Variants in CARS2 observed in about 807,000 individuals in gnomAD.
CARS2 encodes cysteinyl-tRNA synthetase 2, mitochondrial, also known as probable cysteine--tRNA ligase, mitochondrial.
In CARS2, 52 loss-of-function variants were observed where a neutral mutation model predicts 68.8. The ratio of observed to expected loss-of-function variants is 0.76; its 90% confidence interval spans 0.61 to 0.95. The LOEUF is 0.95. CARS2 is among the 40% of genes least tolerant of loss of function. CARS2 has a pLI of 0.00. For missense variants in CARS2, 780 were observed against 754.2 expected, an observed-to-expected ratio of 1.03 and a Z score of -0.40; for synonymous variants, 314 against 303.6, an observed-to-expected ratio of 1.03 and a Z score of -0.36.
chr13:110,690,692 T>C (rs2063434074), intron 3 of CARS2, among the ~76,000 whole-genome samples: 1 of 152,182 alleles, frequency 6.6e-6, no homozygotes, highest in African/African-American at 2.4e-5. Flanking sequence ...GCTACACTCG[T>C]AGGCAGGAGA....
rs2062963194 is a variant in CARS2 at position 110,676,808 on chromosome 13, C to T, written c.785+166G>A. The stretch of plus-strand genomic sequence containing the variant: ...AGCTTGATGTGTCATGGGTTTCGTT[C>T]ACCCCGTTCCATGGCCCGTCACACT... On this transcript the variant is annotated intron_variant, in intron 7 of 14. Coordinates refer to ENST00000257347, the MANE Select transcript of CARS2 (RefSeq NM_024537.4). This position sits in a 1 kb window ranked among gnomAD's most constrained non-coding sequence, Gnocchi z 4.0. Among the ~76,000 whole-genome samples the T allele has an allele frequency of 6.6e-6, 1 of 152,088 alleles. No individual in the cohort carries two copies. The highest frequency in any genetic ancestry group is 1.5e-5 in the Non-Finnish European group (1 of 68,004).
intron 9 of CARS2, among the ~76,000 whole-genome samples, chr13:110,654,921 C>CAAAAAAAAAAAAAAAAAAAAAAAA (rs34662096): frequency 1.2e-5 from 1 of 83,848 alleles, no homozygotes; most frequent in African/African-American, 4.6e-5. Context: ...AACCCTCTCT[C>CAAAAAAAAAAAAAAAAAAAAAAAA]AAAAAAAAAA....
In CARS2 at chr13:110,688,031, T is replaced by G. The variant is rs575543110; in HGVS notation, c.394-13A>C. 351 of 1,591,860 alleles carry G rather than the reference T, an allele frequency of 2.2e-4. 3 individuals are homozygous for G. In the South Asian group the frequency reaches 3.7e-3, roughly 17 times the overall value. On this transcript the variant is annotated splice_polypyrimidine_tract_variant and intron_variant, in intron 3 of 14. Transcript: ENST00000257347. ...GGGAAATATTCATCTGCAGAAGGAT[T>G]AGATGTGCACGTTAATGAGTCTGGG...
intron 10 of CARS2, 163 bp downstream of exon 10, chr13:110,650,871 C>T (rs1332306126): frequency 1.7e-5 from 10 of 590,720 alleles, no homozygotes; most frequent in Non-Finnish European, 3.0e-5. Flanking sequence ...ACTGGGATCC[C>T]TCGTCCTCTG....
chr13:110,675,795 T>G (rs1010968192), intron 7 of CARS2, among the ~76,000 whole-genome samples: 1 of 152,142 alleles, frequency 6.6e-6, no homozygotes, highest in Non-Finnish European at 1.5e-5. Context: ...AGGAACAGTC[T>G]AAACGCGCGG....
Position 110,665,934 on chromosome 13 carries a change from T to C in CARS2, c.919+1406A>G, listed in dbSNP as rs929142911. On this transcript the variant is annotated intron_variant, in intron 8 of 14. Coordinates refer to ENST00000257347, the MANE Select transcript of CARS2 (RefSeq NM_024537.4). This position sits in a 1 kb window ranked among gnomAD's most constrained non-coding sequence, Gnocchi z 4.3. ...TTTCCTGTATTTCAGATGTCAAAGT[T>C]TGCATCTCCAAATCTATCACTACCA... 1.0e-6 allele frequency: 1 copy of C among 985,384 alleles called. No homozygotes were observed. The allele number at this position is 985,384 out of a possible 1,614,324, so 61.0% of individuals were successfully genotyped here.
rs372460653 is a variant in CARS2, at chr13:110,646,129, T to C, written c.1194-39A>G. 2.5e-6 allele frequency: 4 copies of C among 1,593,940 alleles called. No homozygotes were observed. In the African/African-American group the frequency reaches 4.0e-5, roughly 16 times the overall value. On this transcript the variant is annotated intron_variant, in intron 11 of 14. Transcript: ENST00000257347. Reference sequence around the variant, plus strand: ...AGAGAACAGTCACAGCAGAGGGAGCTCCACTCTCCCCAGGCGGCCCCCACA... The same window carrying C: ...AGAGAACAGTCACAGCAGAGGGAGCCCCACTCTCCCCAGGCGGCCCCCACA...
chr13:110,708,722 T>C (rs1301675376), upstream of CARS2, among the ~76,000 whole-genome samples: 1 of 152,012 alleles, frequency 6.6e-6, no homozygotes, highest in African/African-American at 2.4e-5. Flanking sequence ...CACACCACCG[T>C]GCCCAGCTAA....
At chr13:110,712,264 A>T (rs2064035566) in intron 1 of CARS2, 1 of 153,574 alleles carries the variant, frequency 6.5e-6, no homozygotes, top group Non-Finnish European at 1.5e-5. Flanking sequence ...GTCCAGTGAG[A>T]AAGGTGAAAA....
intron 3 of CARS2, among the ~76,000 whole-genome samples, chr13:110,699,788 C>T (rs182840526): frequency 2.6e-5 from 4 of 152,358 alleles, no homozygotes; most frequent in Admixed American, 2.6e-4. Context: ...GTCAAAGGAC[C>T]CACCAAAGCC....
chr13:110,696,086 G>A (rs1022395018), intron 3 of CARS2, among the ~76,000 whole-genome samples: 3 of 152,070 alleles, frequency 2.0e-5, no homozygotes, highest in South Asian at 2.1e-4. Flanking sequence ...AGCTTCACCC[G>A]TGTCCCTGCA....
At chr13:110,663,366 G>T in intron 9 of CARS2, 85 bp downstream of exon 9, 1 of 1,354,490 alleles carries the variant, frequency 7.4e-7, no homozygotes, top group Non-Finnish European at 1.0e-6. Flanking sequence ...ATGGGATTCC[G>T]TGGTTCTCAA....
chr13:110,661,620 G>A (rs1466106289), intron 9 of CARS2, among the ~76,000 whole-genome samples: 1 of 152,208 alleles, frequency 6.6e-6, no homozygotes, highest in Non-Finnish European at 1.5e-5. Context: ...GGTGCAAGAG[G>A]CTTAGCTTTC....
chr13:110,675,407 A>G (rs990017967), intron 7 of CARS2, among the ~76,000 whole-genome samples: 4 of 152,236 alleles, frequency 2.6e-5, no homozygotes, highest in Non-Finnish European at 5.9e-5. Context: ...TGTCCTTTGT[A>G]GGCACATGGA....
intron 6 of CARS2, among the ~76,000 whole-genome samples, chr13:110,677,467 C>A (rs1447584065): frequency 1.4e-5 from 2 of 145,264 alleles, no homozygotes; most frequent in African/African-American, 5.3e-5. Context: ...CACGGACACG[C>A]AGACAGTCAC....
intron 14 of CARS2, among the ~76,000 whole-genome samples, chr13:110,641,928 G>A (rs1239051704): frequency 3.3e-5 from 5 of 152,350 alleles, no homozygotes; most frequent in African/African-American, 4.8e-5. Flanking sequence ...TGGGCAGGGC[G>A]CAGTGGCTCA....
rs1887827056 is a variant in CARS2 at position 110,644,496 on chromosome 13, A to G, written c.1318-13T>C. 2 of 1,613,782 alleles carry G rather than the reference A, an allele frequency of 1.2e-6. No individual in the cohort carries two copies. Among genetic ancestry groups the G allele is most frequent in the Non-Finnish European group, 1.7e-6 (2 of 1,179,870 alleles). ...GCCCTTCAGGTTCCTGTAAGAGATCATGTCGCAGAAGCTCCTTAAAAGCAG... is the reference window on the plus strand; with the variant it reads ...GCCCTTCAGGTTCCTGTAAGAGATCGTGTCGCAGAAGCTCCTTAAAAGCAG... On this transcript the variant is annotated splice_polypyrimidine_tract_variant and intron_variant, in intron 12 of 14. Coordinates refer to ENST00000257347, the MANE Select transcript of CARS2 (RefSeq NM_024537.4).
upstream of CARS2, chr13:110,706,151 G>T (rs879553214): frequency 6.6e-5 from 80 of 1,210,130 alleles, no homozygotes; most frequent in Non-Finnish European, 7.8e-5. Context: ...GTACGCTGCC[G>T]GTCGCTCAAG....
intron 10 of CARS2, among the ~76,000 whole-genome samples, chr13:110,647,767 C>CCAAAGTGGAAGGG (rs367802988): frequency 6.6e-6 from 1 of 152,204 alleles, no homozygotes; most frequent in Non-Finnish European, 1.5e-5. Context: ...GATGAGGGGC[C>CCAAAGTGGAAGGG]AGTGTTTCTG....
Sources: gnomAD v4.1 joint callset for allele counts (sites outside exome capture counted in the v4.1 genomes callset) on GRCh38, gnomAD v4.1.1 for gene constraint, Gnocchi (gnomAD v3.1) non-coding constraint, MANE v1.5 for transcripts, NCBI Gene and HGNC (gene_info 2026-07-23, HGNC 2026-07-21) for gene names.